Variants in GGH observed in about 807,000 individuals in gnomAD.
The protein encoded by GGH is gamma-glutamyl hydrolase.
GGH carries 18 observed loss-of-function variants against 39.2 expected under a neutral mutation model. That is an observed-to-expected ratio of 0.46 (90% CI 0.32 to 0.68). The LOEUF (loss-of-function observed/expected upper bound fraction) is 0.68. Ranked by LOEUF, GGH falls within the 30% of genes least tolerant of loss-of-function variation. The pLI is 0.04. For missense variants in GGH, 367 were observed against 384.1 expected (o/e 0.96, Z 0.37); for synonymous variants, 147 against 138.8 (o/e 1.06, Z -0.42).
chr8:63,035,519 T>C, intron 2 of GGH, 137 bp downstream of exon 2: 1 of 1,263,762 alleles, frequency 7.9e-7, no homozygotes, highest in East Asian at 2.8e-5. Flanking sequence ...TTGGCCTGGC[T>C]GGTCTCGAAC....
intron 8 of GGH, 78 bp downstream of exon 8, chr8:63,017,415 G>C (rs1220733237): frequency 1.2e-6 from 1 of 863,178 alleles, no homozygotes; most frequent in African/African-American, 1.7e-5. Flanking sequence ...TAGAGCAAAA[G>C]GGTAGGCAAA....
Position 63,020,489 on chromosome 8 carries a change from T to C in GGH, c.698-2859A>G, listed in dbSNP as rs545851356. ...AGAGGGATGACAGAACAAGAGCAAA[T>C]ACATGCATTAAGAAACGTTCCCACA... is the stretch of plus-strand genomic sequence containing the variant. On this transcript the variant is annotated intron_variant, in intron 7 of 8. Transcript: ENST00000260118. Among the ~76,000 whole-genome samples, 3 of 152,078 alleles carry C rather than the reference T, an allele frequency of 2.0e-5. No individual in the cohort carries two copies. The South Asian group carries it at 6.2e-4, about 32-fold the overall frequency.
chr8:63,015,387 C>T lies in GGH; in HGVS notation c.902G>A (p.Ser301Asn). ...AGAAATATTTCCAGTATAAATTGGA[C>T]TGAACTGATAAATCAATGCTTTCTC... ...EEEKALIYQFSPIYTGNISSF... is the reference protein window; with the variant it reads ...EEEKALIYQFNPIYTGNISSF... Residue 301 changes from serine to asparagine, a missense_variant, in exon 9 of 9, where the codon AGT becomes AAT. Coordinates refer to ENST00000260118, the MANE Select transcript of GGH (RefSeq NM_003878.3). The T allele has an allele frequency of 7.1e-7, 1 of 1,411,526 alleles. No individual in the cohort carries two copies. Among genetic ancestry groups the T allele is most frequent in the Non-Finnish European group, 9.9e-7 (1 of 1,007,206 alleles). The allele number at this position is 1,411,526 out of a possible 1,614,324, so 87.4% of individuals were successfully genotyped here.
intron 7 of GGH, among the ~76,000 whole-genome samples, chr8:63,020,506 G>T (rs1278051711): frequency 6.6e-6 from 1 of 152,134 alleles, no homozygotes; most frequent in Non-Finnish European, 1.5e-5. Context: ...ATTAAGAAAC[G>T]TTCCCACACA....
intron 4 of GGH, among the ~76,000 whole-genome samples, chr8:63,026,769 A>AT (rs1282807045): frequency 2.6e-5 from 4 of 152,176 alleles, no homozygotes; most frequent in Non-Finnish European, 5.9e-5. Flanking sequence ...TCTGCTTGAC[A>AT]TGGAGTCTAT....
rs1804462918 is a variant in GGH at position 63,015,174 on chromosome 8, A to C, written c.*158T>G. On this transcript the variant is annotated 3_prime_UTR_variant, in exon 9 of 9. Coordinates refer to ENST00000260118, the MANE Select transcript of GGH (RefSeq NM_003878.3). ...TTTATGTCTCACTATTTAATTATCT[A>C]ATGTTATATAAATAGTCACATACAG... is the stretch of plus-strand genomic sequence containing the variant. 2.3e-6 allele frequency: 1 copy of C among 426,280 alleles called. No individual in the cohort carries two copies. The highest frequency in any genetic ancestry group is 4.2e-5 in the Admixed American group (1 of 23,668). The allele number at this position is 426,280 out of a possible 1,614,324, so 26.4% of individuals were successfully genotyped here. A position where few individuals can be genotyped will look rare whatever the true frequency, so the allele number is the denominator to read the frequency against.
intron 2 of GGH, 131 bp from the exon 3 acceptor site, chr8:63,030,348 C>CT (rs1352858811): frequency 3.6e-6 from 2 of 560,372 alleles, no homozygotes; most frequent in African/African-American, 3.7e-5. Context: ...TACCTCTCTA[C>CT]TTTTCTAGAG....
chr8:63,017,325 T>C (rs918262380), intron 8 of GGH, 168 bp downstream of exon 8: 7 of 513,782 alleles, frequency 1.4e-5, no homozygotes, highest in Non-Finnish European at 2.0e-5. Context: ...ATACCTTACA[T>C]CTTGATTTTA....
intron 2 of GGH, among the ~76,000 whole-genome samples, chr8:63,033,545 C>T (rs1461264241): frequency 6.6e-6 from 1 of 150,592 alleles, no homozygotes; most frequent in African/African-American, 2.4e-5. Context: ...TTTAAGTAGT[C>T]TTTTATGAAC....
At position 63,021,033 on chromosome 8, in the gene GGH, CCTTCAG is replaced by C. The variant is rs767437576; in HGVS notation, c.697+2868_697+2873del. Among the ~76,000 whole-genome samples, 27 of 152,302 alleles carry C rather than the reference CCTTCAG, an allele frequency of 1.8e-4. 1 individual carries two copies. Among genetic ancestry groups the C allele is most frequent in the Non-Finnish European group, 3.1e-4 (21 of 68,036 alleles). ...AAGCCCTTCTACTGTCCCTCCCACCCCTTCAGCCCAGTGAGAAGGACTCTCATAATT... is the reference window on the plus strand; with the variant it reads ...AAGCCCTTCTACTGTCCCTCCCACCCCCCAGTGAGAAGGACTCTCATAATT... On this transcript the variant is annotated intron_variant, in intron 7 of 8. Transcript: ENST00000260118.
chr8:63,024,773 T>C (rs930493052), intron 5 of GGH: 5 of 152,264 alleles, frequency 3.3e-5, no homozygotes, highest in Non-Finnish European at 5.9e-5. Flanking sequence ...AAGGCGATAG[T>C]GCCAGCTGTT....
In GGH at chr8:63,026,185, C is replaced by T. The variant is rs777921792; in HGVS notation, c.472G>A (p.Val158Met). The T allele has an allele frequency of 1.2e-6, 2 of 1,605,704 alleles. No individual in the cohort carries two copies. Among genetic ancestry groups the T allele is most frequent in the African/African-American group, 1.3e-5 (1 of 74,500 alleles). ...CCAGTGAAGTTCAGCGGCATTGCCA[C>T]GTCAACAGTATCTGTGGCAGTTAAT... ...CLLTATDTVDVAMPLNFTGGQ... is the reference protein window; with the variant it reads ...CLLTATDTVDMAMPLNFTGGQ... The change falls in exon 5 of 9, where the codon GTG becomes ATG. Residue 158 changes from valine to methionine, a missense_variant. Val to Met is a conservative substitution (Grantham distance 21). Coordinates refer to ENST00000260118, the MANE Select transcript of GGH (RefSeq NM_003878.3).
Position 63,023,931 on chromosome 8 carries a change from T to A in GGH, c.673A>T (p.Ile225Phe). The change falls in exon 7 of 9, where the codon ATT becomes TTT. Residue 225 changes from isoleucine to phenylalanine, a missense_variant. Physicochemically the swap from Ile to Phe is conservative, Grantham distance 21. Transcript: ENST00000260118. ...NVLTTNTDGK[I>F]EFISTMEGYK... is the part of the protein sequence containing the mutation. ...CCTTCCATTGTTGAAATAAACTCAATCTTGCCATCTGTATTTGTAGTTAAG... is the reference window on the plus strand; with the variant it reads ...CCTTCCATTGTTGAAATAAACTCAAACTTGCCATCTGTATTTGTAGTTAAG... 6.3e-7 allele frequency: 1 copy of A among 1,584,812 alleles called. No individual in the cohort carries two copies. Among genetic ancestry groups the A allele is most frequent in the Non-Finnish European group, 8.6e-7 (1 of 1,158,872 alleles).
Position 63,038,715 on chromosome 8 carries a change from C to T in GGH, c.54G>A (p.Ala18=). 1 of 1,584,502 alleles carries T rather than the reference C, an allele frequency of 6.3e-7. No individual in the cohort carries two copies. The highest frequency in any genetic ancestry group is 1.7e-5 in the Admixed American group (1 of 57,864). The change falls in exon 1 of 9, where the codon GCG becomes GCA. Residue 18 remains alanine (A), a synonymous_variant. Transcript: ENST00000260118. Reference sequence around the variant, plus strand: ...GGGGTCTAGACAGCTCGAGGCTCGCCGCCCCGCAGAGTAGCAGGCCCAGCA... The same window carrying T: ...GGGGTCTAGACAGCTCGAGGCTCGCTGCCCCGCAGAGTAGCAGGCCCAGCA... ...LCVLGLLLCG[A]ASLELSRPHG... is the part of the protein sequence containing the mutation.
intron 2 of GGH, among the ~76,000 whole-genome samples, chr8:63,031,482 C>A (rs1804801033): frequency 6.6e-6 from 1 of 152,176 alleles, no homozygotes. Flanking sequence ...CAAAAAGGAA[C>A]CAGCCAGTCA....
At chr8:63,026,048 AG>A in intron 5 of GGH, 109 bp downstream of exon 5, 1 of 857,178 alleles carries the variant, frequency 1.2e-6, no homozygotes, top group Non-Finnish European at 1.8e-6. Context: ...TTTTTCCTTC[AG>A]GGAAAAGGCT....
rs73270509 is a variant in GGH, at chr8:63,036,280, C to T, written c.110-510G>A. On this transcript the variant is annotated intron_variant, in intron 1 of 8. Coordinates refer to ENST00000260118, the MANE Select transcript of GGH (RefSeq NM_003878.3). ...TTATATCTTTTCTTAAGAAACCCCCCCAAGCTCCAAGCAGCTCCCCATGTA... is the reference window on the plus strand; with the variant it reads ...TTATATCTTTTCTTAAGAAACCCCCTCAAGCTCCAAGCAGCTCCCCATGTA... Among the ~76,000 whole-genome samples, 747 of 152,276 alleles carry T rather than the reference C, an allele frequency of 4.9e-3. 8 individuals are homozygous for T. Among genetic ancestry groups the T allele is most frequent in the African/African-American group, 0.017 (708 of 41,546 alleles).
chr8:63,017,428 T>G, intron 8 of GGH, 65 bp downstream of exon 8: 1 of 1,097,602 alleles, frequency 9.1e-7, no homozygotes, highest in Non-Finnish European at 1.3e-6. Context: ...TAGGCAAAAG[T>G]TCAGATAAGG....
At chr8:63,031,903 A>C (rs1344719865) in intron 2 of GGH, among the ~76,000 whole-genome samples, 1 of 152,244 alleles carries the variant, frequency 6.6e-6, no homozygotes, top group Non-Finnish European at 1.5e-5. Context: ...CAAATGACAC[A>C]CAGCTTTAGC....
Sources: allele counts gnomAD v4.1 joint callset (sites outside exome capture counted in the v4.1 genomes callset), GRCh38; gene constraint gnomAD v4.1.1; transcripts MANE v1.5; gene names NCBI Gene and HGNC (gene_info 2026-07-23, HGNC 2026-07-21).